The following APC variants were observed in gnomAD, a reference collection of about 807,000 sequenced individuals.
APC encodes APC regulator of Wnt signaling pathway.
A neutral mutation model predicts 247.0 loss-of-function variants in APC; 72 were observed. That is an observed-to-expected ratio of 0.29 (90% CI 0.24 to 0.35). The LOEUF (loss-of-function observed/expected upper bound fraction) is 0.35. Among genes scored for constraint, APC ranks in the 10% least tolerant of loss-of-function variants. The pLI, the probability that APC is intolerant of heterozygous loss-of-function variation, is 1.00. For synonymous variants in APC, 1,254 were observed against 1,162.5 expected (o/e 1.08, Z -1.60); for missense variants, 3,400 against 3,360.7 (o/e 1.01, Z -0.29).
chr5:112,734,082 C>G (rs1752237019), upstream of APC, among the ~76,000 whole-genome samples: 2 of 152,144 alleles, frequency 1.3e-5, no homozygotes, highest in Non-Finnish European at 1.5e-5. Context: ...AATCACAGCA[C>G]CTTGCGAGGC....
chr5:112,717,278 C>G (rs557750660), intron 1 of APC, among the ~76,000 whole-genome samples: 1 of 152,114 alleles, frequency 6.6e-6, no homozygotes, highest in Non-Finnish European at 1.5e-5. Context: ...TATGAGCCAC[C>G]GTGCCCAGCC....
rs968918869 is a variant in APC, at chr5:112,825,051, C to T, written c.1409-2057C>T. Among the ~76,000 whole-genome samples, 13 of 152,296 alleles carry T rather than the reference C, an allele frequency of 8.5e-5. No homozygotes were observed. The South Asian group carries it at 1.0e-3, about 12-fold the overall frequency. On this transcript the variant is annotated intron_variant, in intron 11 of 15. Transcript: ENST00000257430. ...TAACTCAACTGTCACAAACTGAATT[C>T]GTAATCTTTCCCATCCCTGAATCTC...
At chr5:112,797,060 CTTGT>C (rs1000038075) in intron 7 of APC, among the ~76,000 whole-genome samples, 10 of 152,034 alleles carry the variant, frequency 6.6e-5, no homozygotes, top group African/African-American at 2.2e-4. Flanking sequence ...AGGTTGGAAA[CTTGT>C]TTGTGTTTCT....
At chr5:112,718,942 C>T (rs1751332267) in intron 1 of APC, among the ~76,000 whole-genome samples, 1 of 152,094 alleles carries the variant, frequency 6.6e-6, no homozygotes, top group Non-Finnish European at 1.5e-5. Flanking sequence ...CCTTTTAATT[C>T]CTTTAAAGTT....
chr5:112,823,381 T>G (rs1429304229), intron 11 of APC: 1 of 152,634 alleles, frequency 6.6e-6, no homozygotes, highest in Non-Finnish European at 1.5e-5. Flanking sequence ...GGATGGGGCC[T>G]CTGGGGGTGT....
intron 11 of APC, 48 bp from the exon 12 acceptor site, chr5:112,827,057 TTTG>T (rs764894127): frequency 1.4e-5 from 22 of 1,595,250 alleles, no homozygotes; most frequent in Non-Finnish European, 1.9e-5. Flanking sequence ...TTGGTACCAG[TTTG>T]TTTTATTTTA....
chr5:112,839,505 TAGC>T lies in APC; in HGVS notation c.3914_3916del (p.Ala1305del), dbSNP rs762643382. ...GCAGATTCTGCTAATACCCTGCAAA[TAGC>T]AGAAATAAAAGAAAAGATTGGAACT... On this transcript the variant is annotated inframe_deletion, in exon 16 of 16. Coordinates refer to ENST00000257430, the MANE Select transcript of APC (RefSeq NM_000038.6). This position sits in a 1 kb window ranked among gnomAD's most constrained non-coding sequence, Gnocchi z 5.0. 6.2e-7 allele frequency: 1 copy of T among 1,614,138 alleles called. No homozygotes were observed. The highest frequency in any genetic ancestry group is 8.5e-7 in the Non-Finnish European group (1 of 1,180,010).
intron 13 of APC, among the ~76,000 whole-genome samples, chr5:112,828,210 T>C (rs1208746521): frequency 6.6e-6 from 1 of 152,002 alleles, no homozygotes; most frequent in Non-Finnish European, 1.5e-5. Flanking sequence ...ATTTTTGTAT[T>C]TTTTATAGAG....
intron 9 of APC, among the ~76,000 whole-genome samples, chr5:112,816,159 T>C (rs1053159554): frequency 6.6e-6 from 1 of 152,212 alleles, no homozygotes; most frequent in Non-Finnish European, 1.5e-5. Flanking sequence ...TAAATGTCTG[T>C]CAGAATCCTA....
intron 10 of APC, 55 bp downstream of exon 10, chr5:112,819,399 T>A: frequency 6.2e-7 from 1 of 1,610,576 alleles, no homozygotes; most frequent in Non-Finnish European, 8.5e-7. Context: ...ATGTGAAATT[T>A]TTAAACAGAA....
chr5:112,763,349 T>TGA (rs1177912008), intron 2 of APC, among the ~76,000 whole-genome samples: 2 of 113,532 alleles, frequency 1.8e-5, no homozygotes, highest in African/African-American at 3.5e-5. Flanking sequence ...TTTGATGACA[T>TGA]CATATTTTGC....
At chr5:112,769,452 C>T (rs1756780041) in intron 4 of APC, among the ~76,000 whole-genome samples, 1 of 152,206 alleles carries the variant, frequency 6.6e-6, no homozygotes, top group Admixed American at 6.5e-5. Context: ...TAATTCTTCT[C>T]TTCCTAAAGT....
In APC at chr5:112,713,024, A is replaced by T. The variant is rs1384734150; in HGVS notation, c.165+5142A>T. ...CATCTCTACTAAAAATAAAAAAATT[A>T]GCCGGGTATGGTGGCAGGCGCCTGT... On this transcript the variant is annotated intron_variant, in intron 1 of 13. Coordinates refer to the APC transcript ENST00000507379. Among the ~76,000 whole-genome samples the T allele has an allele frequency of 2.0e-5, 3 of 152,228 alleles. No homozygotes were observed. In the East Asian group the frequency reaches 5.8e-4, roughly 29 times the overall value.
At chr5:112,737,812 A>G, upstream of APC, 1 of 983,892 alleles carries the variant, frequency 1.0e-6, no homozygotes. Context: ...TCCCGTCGGG[A>G]GCCCGCCGAT....
At chr5:112,835,892 A>T (rs1288302225) in intron 15 of APC, among the ~76,000 whole-genome samples, 1 of 151,372 alleles carries the variant, frequency 6.6e-6, no homozygotes, top group Non-Finnish European at 1.5e-5. Flanking sequence ...AATATTATTT[A>T]GCTAACAGCC....
At chr5:112,732,015 G>T (rs887431433) in intron 1 of APC, among the ~76,000 whole-genome samples, 10 of 152,188 alleles carry the variant, frequency 6.6e-5, no homozygotes, top group Non-Finnish European at 1.2e-4. Context: ...GCCCACCTTG[G>T]CCTCCCAAAG....
intron 1 of APC, among the ~76,000 whole-genome samples, chr5:112,717,986 T>C (rs1437510248): frequency 1.4e-5 from 2 of 144,498 alleles, no homozygotes; most frequent in African/African-American, 5.0e-5. Flanking sequence ...TTCAGACTTA[T>C]CTTCAAAGTT....
chr5:112,783,042 A>G (rs907233636), intron 6 of APC, among the ~76,000 whole-genome samples: 2 of 152,208 alleles, frequency 1.3e-5, no homozygotes, highest in Non-Finnish European at 2.9e-5. Context: ...TAGAACATGA[A>G]TATATGGGAT....
At chr5:112,781,743 G>T (rs759219022) in intron 6 of APC, among the ~76,000 whole-genome samples, 1 of 150,992 alleles carries the variant, frequency 6.6e-6, no homozygotes, top group Admixed American at 6.6e-5. Flanking sequence ...TTTTTTTTGT[G>T]ACACTTCCTA....
Sources: gnomAD v4.1 joint callset for allele counts (sites outside exome capture counted in the v4.1 genomes callset) on GRCh38, gnomAD v4.1.1 for gene constraint, Gnocchi (gnomAD v3.1) non-coding constraint, MANE v1.5 for transcripts, NCBI Gene and HGNC (gene_info 2026-07-23, HGNC 2026-07-21) for gene names.